Variants in DNAJC17 observed in about 807,000 individuals in gnomAD.
The protein encoded by DNAJC17 is dnaJ homolog subfamily C member 17.
Under a neutral mutation model 48.1 loss-of-function variants are expected in DNAJC17, and 35 were observed. That is an observed-to-expected ratio of 0.73 (90% CI 0.56 to 0.96). The LOEUF (loss-of-function observed/expected upper bound fraction) is 0.96. Ranked by LOEUF, DNAJC17 falls within the 50% of genes least tolerant of loss-of-function variation. The probability of loss-of-function intolerance (pLI) is 0.00; values close to 1 mark genes in which losing one functional copy is unlikely to be tolerated. For synonymous variants in DNAJC17, 117 were observed against 142.7 expected (o/e 0.82, Z 1.28); for missense variants, 355 against 377.1 (o/e 0.94, Z 0.48).
At chr15:40,799,743 AT>A (rs921799507) in intron 1 of DNAJC17, among the ~76,000 whole-genome samples, 9 of 152,058 alleles carry the variant, frequency 5.9e-5, no homozygotes, top group African/African-American at 2.2e-4. Context: ...TCCATGTTTA[AT>A]TTTTTGAGGA....
chr15:40,796,934 T>C (rs58105256), intron 1 of DNAJC17, among the ~76,000 whole-genome samples: 2,303 of 151,484 alleles, frequency 0.015, 59 homozygotes, highest in African/African-American at 0.052. Flanking sequence ...TAATTTTTTC[T>C]TTTTTTTTCC....
chr15:40,799,998 T>TG (rs1890037097), intron 1 of DNAJC17, among the ~76,000 whole-genome samples: 3 of 150,854 alleles, frequency 2.0e-5, no homozygotes, highest in South Asian at 4.2e-4. Context: ...ACCAGGGTTT[T>TG]TTTTTTGTTG....
intron 1 of DNAJC17, among the ~76,000 whole-genome samples, chr15:40,793,291 T>G (rs1889858782): frequency 6.6e-6 from 1 of 152,332 alleles, no homozygotes; most frequent in Non-Finnish European, 1.5e-5. Flanking sequence ...TCTTTATTCT[T>G]ACAGCATTTT....
chr15:40,799,101 T>C (rs1431219600), intron 1 of DNAJC17, among the ~76,000 whole-genome samples: 1 of 151,502 alleles, frequency 6.6e-6, no homozygotes, highest in Non-Finnish European at 1.5e-5. Flanking sequence ...GGCGGGCGCC[T>C]GTAGTCCCAG....
Position 40,773,767 on chromosome 15 carries a change from G to A in DNAJC17, c.752C>T (p.Pro251Leu). The A allele has an allele frequency of 6.2e-7, 1 of 1,613,964 alleles. No individual in the cohort carries two copies. Among genetic ancestry groups the A allele is most frequent in the Non-Finnish European group, 8.5e-7 (1 of 1,179,978 alleles). The change falls in exon 10 of 11, where the codon CCC becomes CTC. Residue 251 changes from proline to leucine, a missense_variant. Coordinates refer to ENST00000220496, the MANE Select transcript of DNAJC17 (RefSeq NM_018163.3). ...GTGGCTGCGGCCCACGGCATCCTGGGGCTGTCCCTCCAACCAGGAAATCTT... is the reference window on the plus strand; with the variant it reads ...GTGGCTGCGGCCCACGGCATCCTGGAGCTGTCCCTCCAACCAGGAAATCTT... ...PLKISWLEGQ[P>L]QDAVGRSHSG...
intron 1 of DNAJC17, chr15:40,780,504 C>T (rs1596082319): frequency 5.4e-6 from 2 of 368,472 alleles, no homozygotes; most frequent in South Asian, 2.0e-5. Context: ...TCCCCATCAA[C>T]GGGGAGACTC....
chr15:40,771,324 G>A, intron 10 of DNAJC17: 1 of 443,252 alleles, frequency 2.3e-6, no homozygotes, highest in Non-Finnish European at 4.3e-6. Flanking sequence ...GGCTGTGCCG[G>A]GAAAGGGAGG....
chr15:40,796,193 G>A (rs1889937163), intron 1 of DNAJC17, among the ~76,000 whole-genome samples: 1 of 152,164 alleles, frequency 6.6e-6, no homozygotes, highest in Non-Finnish European at 1.5e-5. Flanking sequence ...CATCTACCAA[G>A]GGCGAGGCAT....
intron 1 of DNAJC17, among the ~76,000 whole-genome samples, chr15:40,785,902 G>A (rs1046617653): frequency 6.6e-6 from 1 of 152,228 alleles, no homozygotes; most frequent in African/African-American, 2.4e-5. Context: ...TGTCTGTCTT[G>A]ATTAACTAGT....
chr15:40,781,817 GA>G (rs1310944288), intron 1 of DNAJC17, among the ~76,000 whole-genome samples: 1 of 151,932 alleles, frequency 6.6e-6, no homozygotes, highest in African/African-American at 2.4e-5. Flanking sequence ...AGCTACTCGA[GA>G]GGCTGAGGCA....
rs1309356646 is a variant in DNAJC17, at chr15:40,769,233, C to T, written c.793-1171G>A. ...AGCACGGCTGACAATTCACGGCAGC[C>T]TCCCTGGCCCAGCCTCCTGCAAGAG... On this transcript the variant is annotated intron_variant, in intron 10 of 10. Transcript: ENST00000220496. The surrounding 1 kb of genome is among the most constrained non-coding windows in gnomAD (Gnocchi z 4.2). Among the ~76,000 whole-genome samples the T allele has an allele frequency of 6.6e-6, 1 of 152,212 alleles. No individual in the cohort carries two copies. Among genetic ancestry groups the T allele is most frequent in the African/African-American group, 2.4e-5 (1 of 41,456 alleles).
At chr15:40,784,002 G>A (rs1220651789) in intron 1 of DNAJC17, among the ~76,000 whole-genome samples, 5 of 151,542 alleles carry the variant, frequency 3.3e-5, no homozygotes, top group Admixed American at 3.3e-4. Flanking sequence ...TGAGGCGGGC[G>A]AATCAGTTGA....
At position 40,765,176 on chromosome 15, in the gene DNAJC17, G is replaced by A. The variant is rs1888921393; in HGVS notation, c.*2764C>T. On this transcript the variant is annotated 3_prime_UTR_variant, in exon 11 of 11. Transcript: ENST00000220496. ...GTGATTCTTATTTCTTAAAAGATATGGCTTTATTGATATGTAATGTGCATA... is the reference window on the plus strand; with the variant it reads ...GTGATTCTTATTTCTTAAAAGATATAGCTTTATTGATATGTAATGTGCATA... 6.6e-6 allele frequency: 1 copy of A among 152,158 alleles called. No homozygotes were observed. Among genetic ancestry groups the A allele is most frequent in the Non-Finnish European group, 1.5e-5 (1 of 68,032 alleles). The allele number at this position is 152,158 out of a possible 1,614,324, so 9.4% of individuals were successfully genotyped here.
chr15:40,775,622 A>G, intron 6 of DNAJC17, 26 bp from the exon 7 acceptor site: 5 of 1,610,348 alleles, frequency 3.1e-6, no homozygotes, highest in Non-Finnish European at 4.2e-6. Flanking sequence ...AAAGAAGAAA[A>G]GTAGAATATG....
In DNAJC17 at chr15:40,784,008, G is replaced by C. The variant is rs183808621; in HGVS notation, c.79-4011C>G. Reference sequence around the variant, plus strand: ...TTGGGAGGCTGAGGCGGGCGAATCAGTTGAGGTCAGGAATTCGAGACCAGC... The same window carrying C: ...TTGGGAGGCTGAGGCGGGCGAATCACTTGAGGTCAGGAATTCGAGACCAGC... On this transcript the variant is annotated intron_variant, in intron 1 of 10. Coordinates refer to ENST00000220496, the MANE Select transcript of DNAJC17 (RefSeq NM_018163.3). Among the ~76,000 whole-genome samples, 182 of 151,588 alleles carry C rather than the reference G, an allele frequency of 1.2e-3. 2 individuals carry two copies. The highest frequency in any genetic ancestry group is 5.5e-4 in the Non-Finnish European group (37 of 67,790).
In DNAJC17 at chr15:40,770,702, C is replaced by T. The variant is rs995852064; in HGVS notation, c.793-2640G>A. Reference sequence around the variant, plus strand: ...GCCGGCGCCTGCCACTGTGGGGGGACGAGCAGCCCCGGGCCACCCTGCTGG... The same window carrying T: ...GCCGGCGCCTGCCACTGTGGGGGGATGAGCAGCCCCGGGCCACCCTGCTGG... On this transcript the variant is annotated intron_variant, in intron 10 of 10. Transcript: ENST00000220496. The surrounding 1 kb of genome is among the most constrained non-coding windows in gnomAD (Gnocchi z 5.0). The T allele has an allele frequency of 7.1e-6, 11 of 1,547,264 alleles. No homozygotes were observed. The highest frequency in any genetic ancestry group is 1.7e-4 in the Middle Eastern group (1 of 5,984).
intron 10 of DNAJC17, among the ~76,000 whole-genome samples, chr15:40,768,816 G>A (rs1313759435): frequency 1.3e-5 from 2 of 152,250 alleles, no homozygotes; most frequent in Non-Finnish European, 2.9e-5. Flanking sequence ...GTGCCGCTTA[G>A]GCTGTGTGAT....
At chr15:40,778,664 G>A (rs1472181954) in intron 4 of DNAJC17, among the ~76,000 whole-genome samples, 1 of 152,158 alleles carries the variant, frequency 6.6e-6, no homozygotes, top group Admixed American at 6.5e-5. Flanking sequence ...GAGGCCAGGT[G>A]CGGCAGCTCA....
Position 40,770,946 on chromosome 15 carries a change from G to A in DNAJC17, c.792+2781C>T. ...CAGTGATCCCTTCCTCTCCTTCAAA[G>A]TGGACCTGGGGATTTCACTTCTTGA... On this transcript the variant is annotated intron_variant, in intron 10 of 10. Transcript: ENST00000220496. This position sits in a 1 kb window ranked among gnomAD's most constrained non-coding sequence, Gnocchi z 5.0. The A allele has an allele frequency of 6.4e-7, 1 of 1,551,424 alleles. No homozygotes were observed. Among genetic ancestry groups the A allele is most frequent in the Non-Finnish European group, 8.7e-7 (1 of 1,147,006 alleles).
Sources: allele counts gnomAD v4.1 joint callset (sites outside exome capture counted in the v4.1 genomes callset), GRCh38; gene constraint gnomAD v4.1.1; non-coding constraint Gnocchi (gnomAD v3.1); transcripts MANE v1.5; gene names NCBI Gene and HGNC (gene_info 2026-07-23, HGNC 2026-07-21).